SRD5A2: variants seen among roughly 807,000 people sequenced by gnomAD.
The protein encoded by SRD5A2 is steroid 5 alpha-reductase 2, also known as 3-oxo-5-alpha-steroid 4-dehydrogenase 2.
SRD5A2 carries 30 observed loss-of-function variants against 27.4 expected under a neutral mutation model. The observed-to-expected ratio is 1.10, with a 90% CI of 0.82 to 1.49. The LOEUF is 1.49. SRD5A2 is among the 40% of genes most tolerant of loss of function. SRD5A2 has a pLI of 0.00. For synonymous variants in SRD5A2, 141 were observed against 133.6 expected (o/e 1.06, Z -0.38); for missense variants, 348 against 323.4 (o/e 1.08, Z -0.58).
the SRD5A2 span, among the ~76,000 whole-genome samples, chr2:31,656,882 C>A: frequency 6.6e-6 from 1 of 152,168 alleles, no homozygotes; most frequent in South Asian, 2.1e-4. Flanking sequence ...ATATTTTATT[C>A]CTTCTCTAAG....
chr2:31,590,475 A>T, the SRD5A2 span, among the ~76,000 whole-genome samples: 1 of 152,310 alleles, frequency 6.6e-6, no homozygotes, highest in South Asian at 2.1e-4. Context: ...GGGTAGGAAG[A>T]ATCAGTATCA....
At chr2:31,560,081 G>C (rs1319140759) in intron 1 of SRD5A2, among the ~76,000 whole-genome samples, 1 of 121,116 alleles carries the variant, frequency 8.3e-6, no homozygotes, top group Non-Finnish European at 1.7e-5. Context: ...TTTTTAAAAA[G>C]TCATTGACCA....
chr2:31,526,104 C>CAAATATATATATATAT lies in SRD5A2; in HGVS notation c.*91_*92insATATATATATATATTT. On this transcript the variant is annotated 3_prime_UTR_variant, in exon 5 of 5. Transcript: ENST00000622030. ...CAGGAGACCTACTATTACATATATA[C>CAAATATATATATATAT]GGGACTATTATATCATGAAAATTAC... The CAAATATATATATATAT allele has an allele frequency of 1.3e-6, 1 of 795,664 alleles. No individual in the cohort carries two copies. 49.3% of individuals were successfully genotyped at this position (795,664 alleles called of 1,614,324 possible).
intron 1 of SRD5A2, among the ~76,000 whole-genome samples, chr2:31,563,783 C>G (rs367834665): frequency 1.3e-5 from 2 of 152,100 alleles, no homozygotes; most frequent in South Asian, 4.1e-4. Flanking sequence ...CAAATAGAGC[C>G]TGTACCCATA....
At chr2:31,635,520 C>T in the SRD5A2 span, among the ~76,000 whole-genome samples, 2 of 151,930 alleles carry the variant, frequency 1.3e-5, no homozygotes, top group African/African-American at 4.8e-5. Context: ...TTGTTGATTG[C>T]TCCCTTTGCT....
the SRD5A2 span, among the ~76,000 whole-genome samples, chr2:31,614,261 T>C: frequency 6.6e-6 from 1 of 152,196 alleles, no homozygotes; most frequent in Non-Finnish European, 1.5e-5. Flanking sequence ...AATACACTCA[T>C]TCCAAATGGG....
At chr2:31,612,656 G>GA in the SRD5A2 span, among the ~76,000 whole-genome samples, 3 of 152,004 alleles carry the variant, frequency 2.0e-5, no homozygotes, top group African/African-American at 4.8e-5. Flanking sequence ...CACAGAAATG[G>GA]AAAAAACAAT....
At chr2:31,623,217 C>T in the SRD5A2 span, among the ~76,000 whole-genome samples, 2 of 152,084 alleles carry the variant, frequency 1.3e-5, no homozygotes, top group Non-Finnish European at 2.9e-5. Context: ...CTTTACAACC[C>T]ATTTTGAACT....
chr2:31,595,861 C>G, the SRD5A2 span, among the ~76,000 whole-genome samples: 1 of 152,162 alleles, frequency 6.6e-6, no homozygotes, highest in African/African-American at 2.4e-5. Context: ...CCACCATAAT[C>G]AAGTGGGTTT....
the SRD5A2 span, among the ~76,000 whole-genome samples, chr2:31,646,995 A>G: frequency 1.3e-5 from 2 of 152,138 alleles, no homozygotes; most frequent in African/African-American, 4.8e-5. Flanking sequence ...GAATACAAAA[A>G]TTAGTGAGAC....
At chr2:31,540,066 G>A (rs557690528) in intron 1 of SRD5A2, among the ~76,000 whole-genome samples, 64 of 152,176 alleles carry the variant, frequency 4.2e-4, no homozygotes, top group Non-Finnish European at 6.5e-4. Flanking sequence ...GTGGCATTAC[G>A]GGAAGTATGT....
the SRD5A2 span, among the ~76,000 whole-genome samples, chr2:31,642,158 CAATA>C: frequency 6.6e-6 from 1 of 152,120 alleles, no homozygotes; most frequent in Admixed American, 6.5e-5. Context: ...GGAAAGTCTT[CAATA>C]AATAGTGTGG....
intron 1 of SRD5A2, among the ~76,000 whole-genome samples, chr2:31,541,049 T>C (rs1666119321): frequency 6.6e-6 from 1 of 152,188 alleles, no homozygotes; most frequent in South Asian, 2.1e-4. Context: ...CTTTTTCATT[T>C]TTCTCTTTTT....
rs776355824 is a variant in SRD5A2 at position 31,580,676 on chromosome 2, G to C, written c.225C>G (p.Leu75=). 6.3e-7 allele frequency: 1 copy of C among 1,597,830 alleles called. No individual in the cohort carries two copies. Among genetic ancestry groups the C allele is most frequent in the East Asian group, 2.2e-5 (1 of 44,716 alleles). ...AGILARQPLS[L]FGPPGTVLLG... ...GAAGTACCGTCCCAGGTGGCCCGAA[G>C]AGGGAGAGGGGCTGCCGGGCGAGGA... The change falls in exon 1 of 5, where the codon CTC becomes CTG. Residue 75 remains leucine, a synonymous_variant. Coordinates refer to ENST00000622030, the MANE Select transcript of SRD5A2 (RefSeq NM_000348.4).
At chr2:31,613,598 T>C in the SRD5A2 span, among the ~76,000 whole-genome samples, 1 of 152,134 alleles carries the variant, frequency 6.6e-6, no homozygotes, top group Non-Finnish European at 1.5e-5. Flanking sequence ...TTTTGGAAAG[T>C]AGTATGGAAG....
At chr2:31,556,059 CCTTGTTGGAG>C (rs900875711) in intron 1 of SRD5A2, among the ~76,000 whole-genome samples, 14 of 152,330 alleles carry the variant, frequency 9.2e-5, no homozygotes, top group Middle Eastern at 3.4e-3. Flanking sequence ...GGAAGCCTTT[CCTTGTTGGAG>C]CTCTCTATAT....
chr2:31,629,270 A>C, the SRD5A2 span, among the ~76,000 whole-genome samples: 4 of 152,188 alleles, frequency 2.6e-5, no homozygotes, highest in Non-Finnish European at 4.4e-5. Context: ...CATTCCTTGG[A>C]ATCCATGAGG....
At chr2:31,626,465 C>T in the SRD5A2 span, among the ~76,000 whole-genome samples, 1 of 152,092 alleles carries the variant, frequency 6.6e-6, no homozygotes, top group Admixed American at 6.6e-5. Context: ...CCAGTTTTTG[C>T]CCATTCAGTA....
chr2:31,609,300 TAGACAAAATAA>T, the SRD5A2 span, among the ~76,000 whole-genome samples: 6 of 151,856 alleles, frequency 4.0e-5, no homozygotes, highest in Non-Finnish European at 7.4e-5. Flanking sequence ...TGATATAGCA[TAGACAAAATAA>T]TCTTTAAAAA....
Sources: gnomAD v4.1 joint callset for allele counts (sites outside exome capture counted in the v4.1 genomes callset) on GRCh38, gnomAD v4.1.1 for gene constraint, MANE v1.5 for transcripts, NCBI Gene and HGNC (gene_info 2026-07-23, HGNC 2026-07-21) for gene names.